Variants in TMEM120B observed in about 807,000 individuals in gnomAD.
The protein encoded by TMEM120B is transmembrane protein 120B.
TMEM120B carries 31 observed loss-of-function variants against 55.5 expected under a neutral mutation model. The ratio of observed to expected loss-of-function variants is 0.56; its 90% CI spans 0.42 to 0.75. The LOEUF is 0.75. Ranked by LOEUF, TMEM120B falls within the 30% of genes least tolerant of loss-of-function variation. The probability of loss-of-function intolerance (pLI) is 0.00; values close to 1 mark genes in which losing one functional copy is unlikely to be tolerated. For synonymous variants in TMEM120B, 203 were observed against 176.3 expected (o/e 1.15, Z -1.20); for missense variants, 399 against 425.5 (o/e 0.94, Z 0.55).
At position 121,748,435 on chromosome 12, in the gene TMEM120B, A is replaced by C; in HGVS notation, c.298A>C (p.Lys100Gln). 6.2e-7 allele frequency: 1 copy of C among 1,607,480 alleles called. No individual in the cohort carries two copies. The highest frequency in any genetic ancestry group is 8.5e-7 in the Non-Finnish European group (1 of 1,176,322). ...FFDMEAYLPK[K>Q]NGLYLNLVLG... is the part of the protein sequence containing the mutation. ...CGACATGGAGGCCTACCTGCCCAAG[A>C]AGAACGGGTAGGAGCTGGCAACCTC... The change falls in exon 3 of 12, where the codon AAG becomes CAG. Residue 100 changes from lysine to glutamine, a missense_variant. Physicochemically the swap from Lys to Gln is moderately conservative, Grantham distance 53 (BLOSUM62 1). Coordinates refer to ENST00000449592, the MANE Select transcript of TMEM120B (RefSeq NM_001080825.2).
Position 121,772,093 on chromosome 12 carries a change from C to T in TMEM120B, c.679+544C>T, listed in dbSNP as rs1022419330. 1.2e-4 allele frequency among the ~76,000 whole-genome samples: 16 copies of T among 135,152 alleles called. No homozygotes were observed. In the East Asian group the frequency reaches 1.4e-3, roughly 12 times the overall value. 88.7% of individuals were successfully genotyped at this position (135,152 alleles called of 152,430 possible). A position where few individuals can be genotyped will look rare whatever the true frequency, so the allele number is the denominator to read the frequency against. Reference sequence around the variant, plus strand: ...TTTTTCTTTCTTTCTCTTTCTCTCTCTCTCTCTTTCTCTCTTTCTCTCTCT... The same window carrying T: ...TTTTTCTTTCTTTCTCTTTCTCTCTTTCTCTCTTTCTCTCTTTCTCTCTCT... On this transcript the variant is annotated intron_variant, in intron 8 of 11. Transcript: ENST00000449592.
intron 1 of TMEM120B, among the ~76,000 whole-genome samples, chr12:121,724,393 C>T (rs1455426972): frequency 1.3e-5 from 2 of 151,852 alleles, no homozygotes; most frequent in South Asian, 2.1e-4. Flanking sequence ...AGGCTGATCT[C>T]GAACTCCCGG....
chr12:121,716,651 C>T (rs1256296691), intron 1 of TMEM120B, among the ~76,000 whole-genome samples: 2 of 150,678 alleles, frequency 1.3e-5, no homozygotes, highest in Non-Finnish European at 2.9e-5. Flanking sequence ...CAACCTTTGC[C>T]TCCCGGGTTA....
chr12:121,774,371 C>T (rs543187350), intron 9 of TMEM120B, among the ~76,000 whole-genome samples: 3 of 152,168 alleles, frequency 2.0e-5, no homozygotes, highest in African/African-American at 7.2e-5. Flanking sequence ...AAATGCAAAA[C>T]CCTGTGCAGA....
intron 1 of TMEM120B, among the ~76,000 whole-genome samples, chr12:121,722,218 C>T (rs1022348317): frequency 1.3e-5 from 2 of 151,994 alleles, no homozygotes; most frequent in Non-Finnish European, 2.9e-5. Context: ...TCTGCCTCAG[C>T]CCCCTGAGTA....
chr12:121,764,977 G>C (rs932510586), intron 6 of TMEM120B, among the ~76,000 whole-genome samples: 2 of 152,200 alleles, frequency 1.3e-5, no homozygotes, highest in South Asian at 4.1e-4. Context: ...TCAAAGCTTC[G>C]TGTGAGTCTG....
intron 5 of TMEM120B, among the ~76,000 whole-genome samples, chr12:121,752,729 C>CA (rs1024884891): frequency 4.6e-5 from 7 of 152,070 alleles, no homozygotes; most frequent in African/African-American, 1.7e-4. Context: ...GCCTGGGTGA[C>CA]AGAGTCTTGC....
In TMEM120B at chr12:121,781,783, G is replaced by A. The variant is rs891916314; in HGVS notation, c.*6061G>A. 1.3e-5 allele frequency: 2 copies of A among 153,802 alleles called. No homozygotes were observed. The highest frequency in any genetic ancestry group is 4.8e-5 in the African/African-American group (2 of 41,434). 9.5% of individuals were successfully genotyped at this position (153,802 alleles called of 1,614,324 possible). A position where few individuals can be genotyped will look rare whatever the true frequency, so the allele number is the denominator to read the frequency against. Reference sequence around the variant, plus strand: ...CTCAGGTTCTGATGCAGTCAGCTGAGTTCCCTGCCTATTCTTGCAAGCACT... The same window carrying A: ...CTCAGGTTCTGATGCAGTCAGCTGAATTCCCTGCCTATTCTTGCAAGCACT... On this transcript the variant is annotated 3_prime_UTR_variant, in exon 12 of 12. Coordinates refer to ENST00000449592, the MANE Select transcript of TMEM120B (RefSeq NM_001080825.2).
At chr12:121,766,747 C>T (rs1050271231) in intron 6 of TMEM120B, among the ~76,000 whole-genome samples, 1 of 152,184 alleles carries the variant, frequency 6.6e-6, no homozygotes, top group Non-Finnish European at 1.5e-5. Context: ...AAGCAGAGGC[C>T]ACCCAATGAG....
At chr12:121,765,035 A>G (rs552667241) in intron 6 of TMEM120B, among the ~76,000 whole-genome samples, 23 of 152,092 alleles carry the variant, frequency 1.5e-4, no homozygotes, top group African/African-American at 5.1e-4. Flanking sequence ...AGTGTCTCCT[A>G]AGTACCAAAC....
chr12:121,735,767 T>G (rs1373585251), intron 1 of TMEM120B, among the ~76,000 whole-genome samples: 1 of 151,804 alleles, frequency 6.6e-6, no homozygotes, highest in East Asian at 1.9e-4. Flanking sequence ...CTCGGCTCAC[T>G]GCAACCTCCG....
chr12:121,716,300 C>G (rs1414324177), intron 1 of TMEM120B, among the ~76,000 whole-genome samples: 1 of 146,316 alleles, frequency 6.8e-6, no homozygotes, highest in African/African-American at 2.6e-5. Flanking sequence ...AGAGTTAGAC[C>G]CTCTCTCTCA....
At chr12:121,719,287 G>T (rs895073696) in intron 1 of TMEM120B, among the ~76,000 whole-genome samples, 3 of 152,022 alleles carry the variant, frequency 2.0e-5, no homozygotes, top group Admixed American at 6.6e-5. Context: ...GGCACCTTTT[G>T]GGGGGCTAAT....
chr12:121,715,015 CAAG>C (rs755584989), intron 1 of TMEM120B, among the ~76,000 whole-genome samples: 1 of 152,132 alleles, frequency 6.6e-6, no homozygotes, highest in African/African-American at 2.4e-5. Flanking sequence ...TTGCCTTAGA[CAAG>C]GAGGAGGAGG....
At chr12:121,750,926 CCT>C (rs1873286130) in intron 4 of TMEM120B, among the ~76,000 whole-genome samples, 1 of 102,772 alleles carries the variant, frequency 9.7e-6, no homozygotes, top group Non-Finnish European at 2.0e-5. Flanking sequence ...CACACCCACA[CCT>C]CACCCCACAC....
At chr12:121,742,592 T>C (rs1872964014) in intron 1 of TMEM120B, among the ~76,000 whole-genome samples, 1 of 152,170 alleles carries the variant, frequency 6.6e-6, no homozygotes, top group Admixed American at 6.6e-5. Context: ...TTTGTTTTTA[T>C]TTTTATTTTT....
Position 121,776,273 on chromosome 12 carries a change from C to T in TMEM120B, c.*551C>T, listed in dbSNP as rs1718890433. On this transcript the variant is annotated 3_prime_UTR_variant, in exon 12 of 12. Coordinates refer to ENST00000449592, the MANE Select transcript of TMEM120B (RefSeq NM_001080825.2). ...AGACCCACCGCGTCTGCCTCGTGCT[C>T]TTCTTGCCCCTGGAGCGCTGGGGGC... The T allele has an allele frequency of 5.7e-6, 1 of 175,152 alleles. No individual in the cohort carries two copies. The highest frequency in any genetic ancestry group is 1.2e-5 in the Non-Finnish European group (1 of 85,700). 10.8% of individuals were successfully genotyped at this position (175,152 alleles called of 1,614,324 possible).
chr12:121,750,304 A>T, intron 3 of TMEM120B, 76 bp from the exon 4 acceptor site: 1 of 1,364,838 alleles, frequency 7.3e-7, no homozygotes, highest in Non-Finnish European at 1.0e-6. Context: ...GTGCTCATTA[A>T]GTGTGTTGAG....
At chr12:121,760,073 G>A (rs1238133391) in intron 5 of TMEM120B, among the ~76,000 whole-genome samples, 1 of 147,020 alleles carries the variant, frequency 6.8e-6, no homozygotes, top group Non-Finnish European at 1.5e-5. Context: ...GGAGGTTGCA[G>A]TAAGCCGAGA....
Sources: gnomAD v4.1 joint callset for allele counts (sites outside exome capture counted in the v4.1 genomes callset) on GRCh38, gnomAD v4.1.1 for gene constraint, MANE v1.5 for transcripts, NCBI Gene and HGNC (gene_info 2026-07-23, HGNC 2026-07-21) for gene names.